Variants in PVALEF observed in about 807,000 individuals in gnomAD.
PVALEF encodes the protein parvalbumin like EF-hand containing, also known as parvalbumin-like EF-hand-containing protein.
In PVALEF, 2 loss-of-function variants were observed where a neutral mutation model predicts 1.2. That is an observed-to-expected ratio of 1.68 (90% CI 0.69 to 5.28). The LOEUF (loss-of-function observed/expected upper bound fraction) is 5.28. Ranked by LOEUF, PVALEF falls within the 30% of genes most tolerant of loss-of-function variation. The probability of loss-of-function intolerance (pLI) is 0.06; values close to 1 mark genes in which losing one functional copy is unlikely to be tolerated. For missense variants in PVALEF, 35 were observed against 17.7 expected, an observed-to-expected ratio of 1.97 and a Z score of -1.75; for synonymous variants, 16 against 6.5, an observed-to-expected ratio of 2.47 and a Z score of -2.24.
At chr17:81,173,791 C>T (rs912830585) in intron 2 of PVALEF, among the ~76,000 whole-genome samples, 4 of 152,194 alleles carry the variant, frequency 2.6e-5, no homozygotes, top group African/African-American at 9.7e-5. Flanking sequence ...TCAGCCACTC[C>T]TAACTCACTC....
At chr17:81,174,124 C>G (rs553472564) in intron 2 of PVALEF, among the ~76,000 whole-genome samples, 3 of 152,108 alleles carry the variant, frequency 2.0e-5, no homozygotes, top group Non-Finnish European at 4.4e-5. Flanking sequence ...AAGCTATGAA[C>G]AGAAGGAAAC....
intron 2 of PVALEF, among the ~76,000 whole-genome samples, chr17:81,171,390 G>A (rs1169579737): frequency 1.3e-5 from 2 of 152,218 alleles, no homozygotes; most frequent in African/African-American, 2.4e-5. Context: ...TGGCCCAGGC[G>A]GGCCAGGGGC....
intron 3 of PVALEF, among the ~76,000 whole-genome samples, chr17:81,179,916 G>T (rs1298674788): frequency 1.3e-5 from 2 of 152,214 alleles, no homozygotes; most frequent in Non-Finnish European, 2.9e-5. Context: ...CCTTTTGGCA[G>T]GGCCTTTCCT....
intron 2 of PVALEF, 95 bp from the exon 3 acceptor site, chr17:81,178,823 G>A (rs2061543930): frequency 4.4e-6 from 1 of 224,882 alleles, no homozygotes; most frequent in African/African-American, 2.3e-5. Flanking sequence ...CAGCCCCTCT[G>A]ACCTCAGGCT....
At chr17:81,170,138 G>A (rs1342754621) in intron 2 of PVALEF, among the ~76,000 whole-genome samples, 1 of 150,382 alleles carries the variant, frequency 6.6e-6, no homozygotes, top group Non-Finnish European at 1.5e-5. Context: ...GTGTGTTGGT[G>A]TGGATGTGTG....
At chr17:81,172,345 T>C (rs2146445176) in intron 2 of PVALEF, among the ~76,000 whole-genome samples, 1 of 152,346 alleles carries the variant, frequency 6.6e-6, no homozygotes, top group Admixed American at 6.5e-5. Flanking sequence ...TTCCACCTTC[T>C]GACCCGCTCA....
chr17:81,180,231 G>A (rs2061549156), intron 3 of PVALEF, among the ~76,000 whole-genome samples: 1 of 152,206 alleles, frequency 6.6e-6, no homozygotes, highest in Non-Finnish European at 1.5e-5. Context: ...TGGGACATTG[G>A]TTCCTGGCTT....
chr17:81,171,306 G>C lies in PVALEF; in HGVS notation c.-340+4462G>C, dbSNP rs546146467. ...AGCTCAGGGCAGGTGCTGGTTCCGG[G>C]AGCTTTGGAGAACACTGCATCTGCC... On this transcript the variant is annotated intron_variant, in intron 2 of 6. Coordinates refer to ENST00000637878, the MANE Select transcript of PVALEF (RefSeq NM_001354639.2). Among the ~76,000 whole-genome samples the C allele has an allele frequency of 2.6e-5, 4 of 152,190 alleles. No individual in the cohort carries two copies. The East Asian group carries it at 7.8e-4, about 30-fold the overall frequency.
At chr17:81,177,856 G>A (rs1457515164) in intron 2 of PVALEF, among the ~76,000 whole-genome samples, 1 of 152,154 alleles carries the variant, frequency 6.6e-6, no homozygotes, top group Non-Finnish European at 1.5e-5. Context: ...GGCCAAAGTT[G>A]GGCAAGAATT....
At chr17:81,167,599 AG>A (rs1350086950) in intron 2 of PVALEF, among the ~76,000 whole-genome samples, 2 of 152,148 alleles carry the variant, frequency 1.3e-5, no homozygotes, top group African/African-American at 4.8e-5. Flanking sequence ...TCTTTTCCTA[AG>A]GGGGTCCCTC....
chr17:81,171,541 G>C (rs1305642196), intron 2 of PVALEF, among the ~76,000 whole-genome samples: 1 of 152,106 alleles, frequency 6.6e-6, no homozygotes, highest in Non-Finnish European at 1.5e-5. Flanking sequence ...ACCTAGGCTG[G>C]AGTGCAGTGA....
chr17:81,169,878 G>A (rs865915524), intron 2 of PVALEF, among the ~76,000 whole-genome samples: 8 of 152,036 alleles, frequency 5.3e-5, no homozygotes, highest in African/African-American at 1.7e-4. Context: ...GCGTGTGTTG[G>A]TGTGTGCATA....
intron 2 of PVALEF, among the ~76,000 whole-genome samples, chr17:81,169,808 G>A (rs915008203): frequency 4.0e-5 from 6 of 151,558 alleles, no homozygotes; most frequent in Non-Finnish European, 8.8e-5. Context: ...GTCTTGGTAT[G>A]TATATGTGTG....
intron 3 of PVALEF, among the ~76,000 whole-genome samples, chr17:81,180,238 G>A (rs2061549177): frequency 6.6e-6 from 1 of 152,204 alleles, no homozygotes; most frequent in East Asian, 1.9e-4. Context: ...TTGGTTCCTG[G>A]CTTGGCCACA....
chr17:81,165,879 G>GCATCAGGGC (rs921632905), intron 1 of PVALEF, 132 bp downstream of exon 1: 93 of 1,548,500 alleles, frequency 6.0e-5, no homozygotes, highest in Non-Finnish European at 5.5e-5. Context: ...GGGCCCAGGG[G>GCATCAGGGC]CATCACGTCC....
chr17:81,169,092 C>T (rs932026409), intron 2 of PVALEF, among the ~76,000 whole-genome samples: 1 of 152,226 alleles, frequency 6.6e-6, no homozygotes. Context: ...GACAAATCCA[C>T]GGGACAGAGC....
rs1470146695 is a variant in PVALEF at position 81,173,087 on chromosome 17, C to T, written c.-339-5831C>T. Among the ~76,000 whole-genome samples, 3 of 152,308 alleles carry T rather than the reference C, an allele frequency of 2.0e-5. No homozygotes were observed. The South Asian group carries it at 6.2e-4, about 32-fold the overall frequency. Reference sequence around the variant, plus strand: ...CAGGGGAGCTCCTCGGTGATGTGTACCTGTTCTGGTCTCACCCTGGTGACA... The same window carrying T: ...CAGGGGAGCTCCTCGGTGATGTGTATCTGTTCTGGTCTCACCCTGGTGACA... On this transcript the variant is annotated intron_variant, in intron 2 of 6. Coordinates refer to ENST00000637878, the MANE Select transcript of PVALEF (RefSeq NM_001354639.2).
intron 2 of PVALEF, among the ~76,000 whole-genome samples, chr17:81,169,306 A>C (rs1255852904): frequency 3.3e-5 from 5 of 152,240 alleles, no homozygotes; most frequent in Non-Finnish European, 7.3e-5. Context: ...AAAATTGTTA[A>C]AAACAGTAAT....
At chr17:81,170,289 T>C (rs1364616274) in intron 2 of PVALEF, among the ~76,000 whole-genome samples, 1 of 149,876 alleles carries the variant, frequency 6.7e-6, no homozygotes, top group Non-Finnish European at 1.5e-5. Context: ...CTGTGTGTGT[T>C]GGTATATGTG....
Sources: gnomAD v4.1 joint callset for allele counts (sites outside exome capture counted in the v4.1 genomes callset) on GRCh38, gnomAD v4.1.1 for gene constraint, MANE v1.5 for transcripts, NCBI Gene and HGNC (gene_info 2026-07-23, HGNC 2026-07-21) for gene names.